Variants in RORB observed in about 807,000 individuals in gnomAD.
RORB encodes RAR related orphan receptor B.
In RORB, 6 loss-of-function variants were observed where a neutral mutation model predicts 59.1. The ratio of observed to expected loss-of-function variants is 0.10; its 90% CI spans 0.06 to 0.20. RORB has a LOEUF of 0.20. Ranked by LOEUF, RORB falls within the 10% of genes least tolerant of loss-of-function variation. The probability of loss-of-function intolerance (pLI) is 1.00; values close to 1 mark genes in which losing one functional copy is unlikely to be tolerated. For missense variants in RORB, 320 were observed against 560.5 expected, an observed-to-expected ratio of 0.57 and a Z score of 4.33; for synonymous variants, 215 against 204.5, an observed-to-expected ratio of 1.05 and a Z score of -0.44.
intron 1 of RORB, among the ~76,000 whole-genome samples, chr9:74,547,352 A>G (rs1002237082): frequency 1.3e-5 from 2 of 152,188 alleles, no homozygotes; most frequent in African/African-American, 4.8e-5. Context: ...ACTAAGATTT[A>G]GAGCTAGAGA....
chr9:74,534,112 C>T (rs1193393839), intron 1 of RORB, among the ~76,000 whole-genome samples: 1 of 151,956 alleles, frequency 6.6e-6, no homozygotes, highest in African/African-American at 2.4e-5. Flanking sequence ...ATTATCTTTT[C>T]CCTATGTTTG....
At chr9:74,678,209 A>C (rs1824478127) in intron 9 of RORB, among the ~76,000 whole-genome samples, 1 of 152,226 alleles carries the variant, frequency 6.6e-6, no homozygotes, top group Non-Finnish European at 1.5e-5. Context: ...TGGGAGAGCC[A>C]GAATTTGAAC....
chr9:74,558,511 A>G (rs1485120916), intron 1 of RORB, among the ~76,000 whole-genome samples: 1 of 152,194 alleles, frequency 6.6e-6, no homozygotes, highest in Non-Finnish European at 1.5e-5. Flanking sequence ...ACTTGTTATC[A>G]TAAACTGCAT....
Position 74,560,812 on chromosome 9 carries a change from A to C in RORB, c.7+62829A>C, listed in dbSNP as rs183244956. On this transcript the variant is annotated intron_variant, in intron 1 of 9. Coordinates refer to ENST00000376896, the MANE Select transcript of RORB (RefSeq NM_006914.4). ...CCTCACTAAAAATCAAAAGTAAAACACATAAATGGTTCTTTCCTACAACGA... is the reference window on the plus strand; with the variant it reads ...CCTCACTAAAAATCAAAAGTAAAACCCATAAATGGTTCTTTCCTACAACGA... 5.3e-5 allele frequency among the ~76,000 whole-genome samples: 8 copies of C among 152,288 alleles called. No homozygotes were observed. The East Asian group carries it at 1.5e-3, about 29-fold the overall frequency.
At chr9:74,521,435 G>A (rs1285800653) in intron 1 of RORB, among the ~76,000 whole-genome samples, 1 of 151,682 alleles carries the variant, frequency 6.6e-6, no homozygotes, top group Non-Finnish European at 1.5e-5. Flanking sequence ...TTACTCCACT[G>A]TACAAAATTA....
At chr9:74,532,862 G>A (rs1826268720) in intron 1 of RORB, among the ~76,000 whole-genome samples, 3 of 90,100 alleles carry the variant, frequency 3.3e-5, no homozygotes, top group African/African-American at 1.5e-4. Flanking sequence ...ACATATATAT[G>A]TGTGTGTGTG....
intron 1 of RORB, among the ~76,000 whole-genome samples, chr9:74,517,371 C>G (rs992072889): frequency 6.6e-6 from 1 of 151,994 alleles, no homozygotes; most frequent in Non-Finnish European, 1.5e-5. Context: ...GCACTATACT[C>G]GGTCCAACAT....
At chr9:74,571,799 TAGAGG>T (rs1304794265) in intron 1 of RORB, among the ~76,000 whole-genome samples, 1 of 152,180 alleles carries the variant, frequency 6.6e-6, no homozygotes, top group Non-Finnish European at 1.5e-5. Context: ...CCTGTTCTCG[TAGAGG>T]AAAGGCAAGG....
chr9:74,593,653 T>C (rs1822933222), intron 1 of RORB, among the ~76,000 whole-genome samples: 1 of 152,172 alleles, frequency 6.6e-6, no homozygotes, highest in South Asian at 2.1e-4. Context: ...GGTTATCTGC[T>C]TTCCAAGTCC....
rs537770499 is a variant in RORB, at chr9:74,629,218, T to C, written c.8-1064T>C. 1.6e-4 allele frequency among the ~76,000 whole-genome samples: 24 copies of C among 151,590 alleles called. No individual in the cohort carries two copies. The Middle Eastern group carries it at 0.01, about 65-fold the overall frequency. On this transcript the variant is annotated intron_variant, in intron 1 of 9. Coordinates refer to ENST00000376896, the MANE Select transcript of RORB (RefSeq NM_006914.4). ...ATGTTTTTATCTCCTAACACCCAAG[T>C]TGGAAGTAATCTTTAGTTGGTCTTC...
rs563796904 is a variant in RORB, at chr9:74,683,714, G to A, written c.1225-1749G>A. Among the ~76,000 whole-genome samples, 4 of 152,168 alleles carry A rather than the reference G, an allele frequency of 2.6e-5. No individual in the cohort carries two copies. The East Asian group carries it at 5.8e-4, about 22-fold the overall frequency. On this transcript the variant is annotated intron_variant, in intron 9 of 9. Coordinates refer to ENST00000376896, the MANE Select transcript of RORB (RefSeq NM_006914.4). ...CACTTTCTCAGGACAGCCATCCCAG[G>A]CCTGCCACAAGTCAGGGCATCTTCT...
At position 74,568,953 on chromosome 9, in the gene RORB, T is replaced by G. The variant is rs1822509964; in HGVS notation, c.8-61329T>G. On this transcript the variant is annotated intron_variant, in intron 1 of 9. Transcript: ENST00000376896. ...AAAAATCATACACTCAAAAAAGCCCTTATTAGAAGAACTCTTCTTCTAAGA... is the reference window on the plus strand; with the variant it reads ...AAAAATCATACACTCAAAAAAGCCCGTATTAGAAGAACTCTTCTTCTAAGA... Among the ~76,000 whole-genome samples the G allele has an allele frequency of 2.0e-5, 3 of 152,054 alleles. No individual in the cohort carries two copies. In the South Asian group the frequency reaches 6.2e-4, roughly 32 times the overall value.
chr9:74,669,275 T>C (rs1195863394), intron 8 of RORB, among the ~76,000 whole-genome samples: 1 of 152,130 alleles, frequency 6.6e-6, no homozygotes, highest in Non-Finnish European at 1.5e-5. Flanking sequence ...GGTCAGGAGT[T>C]TGAGAGCAGC....
At chr9:74,584,197 G>A (rs148730834) in intron 1 of RORB, among the ~76,000 whole-genome samples, 29 of 152,210 alleles carry the variant, frequency 1.9e-4, no homozygotes, top group African/African-American at 5.8e-4. Flanking sequence ...TTCCCTGTGC[G>A]GTCTTACCAA....
intron 1 of RORB, among the ~76,000 whole-genome samples, chr9:74,531,621 C>T (rs1221687894): frequency 6.6e-6 from 1 of 151,938 alleles, no homozygotes; most frequent in Non-Finnish European, 1.5e-5. Context: ...TGCATAATTG[C>T]CTTCTTTAAA....
chr9:74,566,528 G>A (rs1412580639), intron 1 of RORB, among the ~76,000 whole-genome samples: 3 of 152,112 alleles, frequency 2.0e-5, no homozygotes, highest in African/African-American at 7.2e-5. Flanking sequence ...CGGGCACAGT[G>A]GCTCACACCT....
At chr9:74,577,568 G>C (rs1202119481) in intron 1 of RORB, among the ~76,000 whole-genome samples, 1 of 152,076 alleles carries the variant, frequency 6.6e-6, no homozygotes, top group East Asian at 1.9e-4. Flanking sequence ...GTGAATGATA[G>C]ATGGCTCCAA....
At chr9:74,644,262 A>G (rs1823859074) in intron 4 of RORB, among the ~76,000 whole-genome samples, 1 of 152,210 alleles carries the variant, frequency 6.6e-6, no homozygotes, top group African/African-American at 2.4e-5. Flanking sequence ...CATTGTTGAC[A>G]AAGCACCTGT....
intron 1 of RORB, among the ~76,000 whole-genome samples, chr9:74,605,496 C>T (rs1485550458): frequency 3.9e-5 from 6 of 152,142 alleles, no homozygotes; most frequent in South Asian, 4.1e-4. Context: ...CAAATTGCTC[C>T]TAGCAAGGAA....
Sources: gnomAD v4.1 joint callset for allele counts (sites outside exome capture counted in the v4.1 genomes callset) on GRCh38, gnomAD v4.1.1 for gene constraint, MANE v1.5 for transcripts, NCBI Gene and HGNC (gene_info 2026-07-23, HGNC 2026-07-21) for gene names.